The following TMEM71 variants were observed in gnomAD, a reference collection of about 807,000 sequenced individuals.
TMEM71 encodes transmembrane protein 71.
In TMEM71, 44 loss-of-function variants were observed where a neutral mutation model predicts 38.0. The ratio of observed to expected loss-of-function variants is 1.16; its 90% CI spans 0.91 to 1.49. TMEM71 has a LOEUF of 1.49. Among genes scored for constraint, TMEM71 ranks in the 40% most tolerant of loss-of-function variants. The pLI is 0.00. For synonymous variants in TMEM71, 133 were observed against 122.5 expected (o/e 1.09, Z -0.56); for missense variants, 367 against 348.6 (o/e 1.05, Z -0.42).
intron 1 of TMEM71, among the ~76,000 whole-genome samples, chr8:132,759,761 A>C (rs1398008015): frequency 1.3e-5 from 2 of 152,216 alleles, no homozygotes; most frequent in African/African-American, 4.8e-5. Context: ...GCTGTAATTC[A>C]ATCAATCAAA....
intron 1 of TMEM71, chr8:132,759,316 A>G (rs1829201622): frequency 6.4e-6 from 1 of 156,464 alleles, no homozygotes; most frequent in Admixed American, 6.4e-5. Context: ...TAATCATCTG[A>G]CACAAGTCAA....
At chr8:132,737,233 A>C (rs1332640184) in intron 5 of TMEM71, among the ~76,000 whole-genome samples, 2 of 152,212 alleles carry the variant, frequency 1.3e-5, no homozygotes, top group Non-Finnish European at 2.9e-5. Context: ...GTATACGTTA[A>C]GTTGGTAGAT....
the TMEM71 span, among the ~76,000 whole-genome samples, chr8:132,774,541 T>C: frequency 1.9e-3 from 292 of 152,346 alleles, no homozygotes; most frequent in Non-Finnish European, 3.3e-3. Context: ...CTCCACACTA[T>C]GAAGCAAGAT....
At chr8:132,739,605 C>T (rs1278049065) in intron 5 of TMEM71, among the ~76,000 whole-genome samples, 2 of 152,114 alleles carry the variant, frequency 1.3e-5, no homozygotes, top group Non-Finnish European at 2.9e-5. Flanking sequence ...GCCACCGTGT[C>T]AGGCCCCAAC....
In TMEM71 at chr8:132,741,821, C is replaced by T. The variant is rs566672031; in HGVS notation, c.487+5121G>A. ...AACTGTGGGCGAGCCTGACTGATGT[C>T]AGGCCCTCCACAAGAGGTGGAGGAG... On this transcript the variant is annotated intron_variant, in intron 5 of 9. Coordinates refer to ENST00000677595, the MANE Select transcript of TMEM71 (RefSeq NM_001382403.1). 1.5e-4 allele frequency among the ~76,000 whole-genome samples: 23 copies of T among 152,328 alleles called. No homozygotes were observed. The South Asian group carries it at 4.8e-3, about 32-fold the overall frequency.
chr8:132,749,004 G>T (rs1366007997), intron 4 of TMEM71, among the ~76,000 whole-genome samples: 3 of 152,278 alleles, frequency 2.0e-5, no homozygotes, highest in Non-Finnish European at 2.9e-5. Context: ...GGAATCAAAT[G>T]GTAGTATATA....
chr8:132,736,869 G>A (rs988696555), intron 5 of TMEM71, among the ~76,000 whole-genome samples: 4 of 151,866 alleles, frequency 2.6e-5, no homozygotes, highest in East Asian at 3.9e-4. Context: ...GTTCTTAAAT[G>A]TTCTCACAAC....
the TMEM71 span, among the ~76,000 whole-genome samples, chr8:132,769,484 C>T: frequency 6.6e-6 from 1 of 152,170 alleles, no homozygotes; most frequent in African/African-American, 2.4e-5. Context: ...TTGTTGAGTG[C>T]TGTGAACTGA....
the TMEM71 span, among the ~76,000 whole-genome samples, chr8:132,774,202 C>G: frequency 2.0e-5 from 3 of 152,226 alleles, no homozygotes; most frequent in African/African-American, 7.2e-5. Context: ...AAGGAAGATG[C>G]TACAAGTATT....
chr8:132,721,016 G>A lies in TMEM71; in HGVS notation c.752+1024C>T, dbSNP rs1472637377. ...GTGCTCAAAAGAAAAGTAAAGCAAG[G>A]TGCATGCGACAAAGAGTGGCATGCT... On this transcript the variant is annotated intron_variant, in intron 7 of 9. Coordinates refer to ENST00000677595, the MANE Select transcript of TMEM71 (RefSeq NM_001382403.1). Among the ~76,000 whole-genome samples the A allele has an allele frequency of 5.3e-5, 8 of 152,196 alleles. No homozygotes were observed. In the East Asian group the frequency reaches 1.5e-3, roughly 29 times the overall value.
upstream of TMEM71, among the ~76,000 whole-genome samples, chr8:132,765,494 A>G (rs1269830785): frequency 2.6e-5 from 4 of 152,164 alleles, no homozygotes; most frequent in Non-Finnish European, 5.9e-5. Flanking sequence ...GAAAAGGCCT[A>G]TATGGCTTTT....
intron 2 of TMEM71, 45 bp downstream of exon 2, chr8:132,758,795 A>C: frequency 1.3e-6 from 2 of 1,563,462 alleles, no homozygotes; most frequent in Non-Finnish European, 1.8e-6. Context: ...AAAGGAGTCT[A>C]ATCGTTCAAA....
intron 3 of TMEM71, among the ~76,000 whole-genome samples, chr8:132,753,186 C>A: frequency 6.6e-6 from 1 of 151,884 alleles, no homozygotes; most frequent in African/African-American, 2.4e-5. Context: ...ATACTGTAAG[C>A]CTAAAAAATG....
the TMEM71 span, among the ~76,000 whole-genome samples, chr8:132,772,313 C>T: frequency 6.6e-6 from 1 of 152,186 alleles, no homozygotes; most frequent in Non-Finnish European, 1.5e-5. Context: ...TTGCTCACTG[C>T]TTGTTTGGTT....
In TMEM71 at chr8:132,720,772, T is replaced by C. The variant is rs538388036; in HGVS notation, c.752+1268A>G. The stretch of plus-strand genomic sequence containing the variant: ...TGTGGGACTCGAGAGCAGGCAGCCC[T>C]TGCTGGCCAGAGTTCAAGAACCATA... On this transcript the variant is annotated intron_variant, in intron 7 of 9. Transcript: ENST00000677595. Among the ~76,000 whole-genome samples, 7 of 152,330 alleles carry C rather than the reference T, an allele frequency of 4.6e-5. No individual in the cohort carries two copies. In the South Asian group the frequency reaches 6.2e-4, roughly 14 times the overall value.
the TMEM71 span, among the ~76,000 whole-genome samples, chr8:132,773,662 TG>T: frequency 6.6e-6 from 1 of 152,182 alleles, no homozygotes; most frequent in African/African-American, 2.4e-5. Context: ...GCCACAGATG[TG>T]GGAGAAAAGT....
At chr8:132,716,319 C>T (rs1358884437) in intron 7 of TMEM71, among the ~76,000 whole-genome samples, 3 of 152,224 alleles carry the variant, frequency 2.0e-5, no homozygotes, top group Admixed American at 6.5e-5. Flanking sequence ...ACACGCCCCT[C>T]ACCACTCCAC....
rs553176158 is a variant in TMEM71, at chr8:132,729,966, T to TC, written c.488-1981_488-1980insG. On this transcript the variant is annotated intron_variant, in intron 5 of 9. Transcript: ENST00000677595. ...AAGTGGGTTTTCAGTTAAATTTTTT[T>TC]TTTTTTTTTGAGACGGAGTTTTGCT... is the stretch of plus-strand genomic sequence containing the variant. Among the ~76,000 whole-genome samples the TC allele has an allele frequency of 2.6e-5, 4 of 152,212 alleles. No homozygotes were observed. In the South Asian group the frequency reaches 8.3e-4, roughly 32 times the overall value.
At chr8:132,730,342 C>T (rs1040564972) in intron 5 of TMEM71, among the ~76,000 whole-genome samples, 3 of 152,134 alleles carry the variant, frequency 2.0e-5, no homozygotes, top group African/African-American at 7.2e-5. Flanking sequence ...CTGCCAGAAG[C>T]CAACATAAAA....
Sources: allele counts gnomAD v4.1 joint callset (sites outside exome capture counted in the v4.1 genomes callset), GRCh38; gene constraint gnomAD v4.1.1; transcripts MANE v1.5; gene names NCBI Gene and HGNC (gene_info 2026-07-23, HGNC 2026-07-21).